The following CTNNA3 variants were observed in gnomAD, a reference collection of about 807,000 sequenced individuals.
CTNNA3 encodes the protein catenin alpha 3, also known as catenin alpha-3.
A neutral mutation model predicts 95.7 loss-of-function variants in CTNNA3; 76 were observed. The observed-to-expected ratio is 0.79, with a 90% CI of 0.66 to 0.96. The LOEUF (loss-of-function observed/expected upper bound fraction) is 0.96. Among genes scored for constraint, CTNNA3 ranks in the 40% least tolerant of loss-of-function variants. CTNNA3 has a pLI of 0.00. For synonymous variants in CTNNA3, 431 were observed against 374.4 expected (o/e 1.15, Z -1.74); for missense variants, 1,191 against 1,089.8 (o/e 1.09, Z -1.31).
intron 5 of CTNNA3, among the ~76,000 whole-genome samples, chr10:67,426,001 T>G (rs1042384791): frequency 7.9e-5 from 12 of 152,050 alleles, no homozygotes; most frequent in Non-Finnish European, 1.8e-4. Flanking sequence ...CATAGCCCTA[T>G]GGGGTGTCAC....
intron 13 of CTNNA3, among the ~76,000 whole-genome samples, chr10:66,279,511 C>G (rs572010895): frequency 6.6e-6 from 1 of 152,144 alleles, no homozygotes; most frequent in South Asian, 2.1e-4. Flanking sequence ...CTGAGGGTAG[C>G]TTTTCACCCA....
intron 5 of CTNNA3, among the ~76,000 whole-genome samples, chr10:67,328,378 C>G (rs1210567167): frequency 6.6e-6 from 1 of 152,200 alleles, no homozygotes; most frequent in Non-Finnish European, 1.5e-5. Context: ...GTTCTCAGGT[C>G]AGACTGGCCT....
At chr10:66,940,634 G>T in intron 7 of CTNNA3, among the ~76,000 whole-genome samples, 1 of 152,088 alleles carries the variant, frequency 6.6e-6, no homozygotes, top group Admixed American at 6.6e-5. Flanking sequence ...ATTTCCAGAG[G>T]TCAAATTTGC....
At chr10:66,848,765 A>C (rs1283018906) in intron 7 of CTNNA3, among the ~76,000 whole-genome samples, 1 of 152,182 alleles carries the variant, frequency 6.6e-6, no homozygotes. Flanking sequence ...CACCTTGGAC[A>C]CCAAATAGAT....
intron 11 of CTNNA3, among the ~76,000 whole-genome samples, chr10:66,509,240 T>C (rs1006280687): frequency 1.3e-5 from 2 of 152,084 alleles, no homozygotes; most frequent in African/African-American, 4.8e-5. Flanking sequence ...TAGATTATTG[T>C]TTCTGTGCTG....
chr10:66,648,866 A>T (rs1042080708), intron 9 of CTNNA3, among the ~76,000 whole-genome samples: 1 of 152,218 alleles, frequency 6.6e-6, no homozygotes, highest in Non-Finnish European at 1.5e-5. Context: ...GAGAAAAATC[A>T]TTACAGATGG....
intron 10 of CTNNA3, among the ~76,000 whole-genome samples, chr10:66,572,718 A>G (rs1363329715): frequency 5.3e-5 from 8 of 152,188 alleles, no homozygotes; most frequent in African/African-American, 1.9e-4. Context: ...ACCTTTCTCA[A>G]AATATCTTTG....
At position 67,668,900 on chromosome 10, in the gene CTNNA3, G is replaced by A. The variant is rs534481883; in HGVS notation, c.-5-21382C>T. 2.8e-3 allele frequency among the ~76,000 whole-genome samples: 398 copies of A among 144,148 alleles called. 1 individual carries two copies. The highest frequency in any genetic ancestry group is 0.01 in the African/African-American group (382 of 37,692). The allele number at this position is 144,148 out of a possible 152,430, so 94.6% of individuals were successfully genotyped here. A position where few individuals can be genotyped will look rare whatever the true frequency, so the allele number is the denominator to read the frequency against. ...GTCACCCGGGCTGGAGTGCAATGGC[G>A]TGATCTCGGCTTACTGCAACCTCCG... On this transcript the variant is annotated intron_variant, in intron 1 of 17. Transcript: ENST00000433211.
At chr10:67,515,624 C>T (rs1345881673) in intron 5 of CTNNA3, among the ~76,000 whole-genome samples, 1 of 152,214 alleles carries the variant, frequency 6.6e-6, no homozygotes, top group East Asian at 1.9e-4. Flanking sequence ...TTTATTTGAT[C>T]TGGTAAATAA....
At chr10:66,934,674 T>C (rs952349360) in intron 7 of CTNNA3, among the ~76,000 whole-genome samples, 7 of 152,142 alleles carry the variant, frequency 4.6e-5, no homozygotes, top group African/African-American at 1.4e-4. Flanking sequence ...GGACTTTATG[T>C]ATAGGGGTAC....
At chr10:66,674,245 G>A (rs1199575994) in intron 9 of CTNNA3, among the ~76,000 whole-genome samples, 1 of 152,014 alleles carries the variant, frequency 6.6e-6, no homozygotes, top group Non-Finnish European at 1.5e-5. Context: ...GATAGCTGTT[G>A]TGCTCTTTTC....
chr10:66,857,705 C>T (rs1843735138), intron 7 of CTNNA3, among the ~76,000 whole-genome samples: 1 of 151,820 alleles, frequency 6.6e-6, no homozygotes, highest in African/African-American at 2.4e-5. Flanking sequence ...TGCCTCTCAG[C>T]TTGGCTCTTG....
Position 67,726,503 on chromosome 10 carries a change from T to C in CTNNA3, c.-2+36931A>G, listed in dbSNP as rs1205509232. On this transcript the variant is annotated intron_variant, in intron 1 of 17. Coordinates refer to the CTNNA3 transcript ENST00000684154. ...ATATTATATCATATACAATATATAA[T>C]ATATTATATATTATATTATATTATA... 4.6e-5 allele frequency among the ~76,000 whole-genome samples: 3 copies of C among 64,928 alleles called. No individual in the cohort carries two copies. In the Admixed American group the frequency reaches 8.7e-4, roughly 19 times the overall value. The allele number at this position is 64,928 out of a possible 152,430, so 42.6% of individuals were successfully genotyped here. A position where few individuals can be genotyped will look rare whatever the true frequency, so the allele number is the denominator to read the frequency against.
chr10:66,403,452 C>T (rs1305563792), intron 11 of CTNNA3, among the ~76,000 whole-genome samples: 1 of 152,120 alleles, frequency 6.6e-6, no homozygotes, highest in Non-Finnish European at 1.5e-5. Flanking sequence ...GCAAGCACTT[C>T]CTACATGGAG....
chr10:66,067,010 A>G (rs1250323543), intron 15 of CTNNA3, among the ~76,000 whole-genome samples: 2 of 151,944 alleles, frequency 1.3e-5, no homozygotes, highest in South Asian at 2.1e-4. Context: ...AAAAAAATAT[A>G]CGCCAAAATG....
intron 5 of CTNNA3, among the ~76,000 whole-genome samples, chr10:67,467,533 A>G (rs56784271): frequency 0.058 from 8,820 of 152,114 alleles, 791 homozygotes; most frequent in African/African-American, 0.19. Flanking sequence ...TACACCTAAA[A>G]TGATAAACAT....
chr10:66,671,386 T>G (rs200296865), intron 9 of CTNNA3, among the ~76,000 whole-genome samples: 1 of 152,164 alleles, frequency 6.6e-6, no homozygotes, highest in Non-Finnish European at 1.5e-5. Context: ...TGAAGATTTA[T>G]GCATTACCCA....
intron 3 of CTNNA3, among the ~76,000 whole-genome samples, chr10:67,573,395 G>A (rs1842038446): frequency 6.6e-6 from 1 of 152,092 alleles, no homozygotes; most frequent in Admixed American, 6.5e-5. Context: ...GATAAGTCTT[G>A]AGGTACATGG....
chr10:66,179,669 A>G (rs1158471648), intron 13 of CTNNA3, among the ~76,000 whole-genome samples: 1 of 152,124 alleles, frequency 6.6e-6, no homozygotes, highest in Non-Finnish European at 1.5e-5. Flanking sequence ...AAGCTCTTCT[A>G]GGTTTTTGAG....
Sources: allele counts gnomAD v4.1 joint callset (sites outside exome capture counted in the v4.1 genomes callset), GRCh38; gene constraint gnomAD v4.1.1; transcripts MANE v1.5; gene names NCBI Gene and HGNC (gene_info 2026-07-23, HGNC 2026-07-21).